Variants in CYP4A11 observed in about 807,000 individuals in gnomAD.
The protein encoded by CYP4A11 is cytochrome P450 4A11.
In CYP4A11, 52 loss-of-function variants were observed where a neutral mutation model predicts 57.7. That is an observed-to-expected ratio of 0.90 (90% CI 0.72 to 1.14). CYP4A11 has a LOEUF of 1.14. CYP4A11 is among the 50% of genes most tolerant of loss of function. CYP4A11 has a pLI of 0.00. For missense variants in CYP4A11, 641 were observed against 642.1 expected (o/e 1.00, Z 0.02); for synonymous variants, 228 against 247.1 (o/e 0.92, Z 0.72).
chr1:46,934,721 G>A (rs1274400397), intron 6 of CYP4A11, among the ~76,000 whole-genome samples, 162 bp from the exon 7 acceptor site: 1 of 151,946 alleles, frequency 6.6e-6, no homozygotes, highest in Non-Finnish European at 1.5e-5. Context: ...TGTGAGGCAG[G>A]GCACCCCTCC....
chr1:46,931,841 A>G, intron 11 of CYP4A11: 2 of 864,790 alleles, frequency 2.3e-6, no homozygotes, highest in Non-Finnish European at 2.8e-6. Context: ...GCCTGTGTGT[A>G]TGTCACAGGA....
At chr1:46,937,975 G>C in intron 2 of CYP4A11, 21 bp downstream of exon 2, 1 of 1,613,542 alleles carries the variant, frequency 6.2e-7, no homozygotes, top group Non-Finnish European at 8.5e-7. Context: ...CATTGCAGTT[G>C]GGATGGGGGT....
chr1:46,936,724 G>A lies in CYP4A11; in HGVS notation c.450C>T (p.Phe150=). 2 of 1,613,980 alleles carry A rather than the reference G, an allele frequency of 1.2e-6. No individual in the cohort carries two copies. Among genetic ancestry groups the A allele is most frequent in the South Asian group, 1.1e-5 (1 of 91,032 alleles). ...FQHRRMLTPA[F]HYDILKPYVG... ...CATAGGGCTTCAGGATGTCATAGTGGAAGGCTGGGGTCAGCATCCGTCGAT... is the reference window on the plus strand; with the variant it reads ...CATAGGGCTTCAGGATGTCATAGTGAAAGGCTGGGGTCAGCATCCGTCGAT... The change falls in exon 4 of 12, where the codon TTC becomes TTT. Residue 150 remains phenylalanine, a synonymous_variant. Coordinates refer to ENST00000310638, the MANE Select transcript of CYP4A11 (RefSeq NM_000778.4).
At chr1:46,930,989 T>C (rs996630156) in intron 11 of CYP4A11, among the ~76,000 whole-genome samples, 5 of 152,248 alleles carry the variant, frequency 3.3e-5, no homozygotes, top group Middle Eastern at 3.4e-3. Flanking sequence ...GCCTGGACTT[T>C]ATGGTTTTCT....
chr1:46,936,951 G>T (rs1189706124), intron 3 of CYP4A11, among the ~76,000 whole-genome samples, 160 bp from the exon 4 acceptor site: 1 of 152,254 alleles, frequency 6.6e-6, no homozygotes, highest in Middle Eastern at 3.4e-3. Context: ...GGCAAATGCA[G>T]GAAAAGGAGG....
chr1:46,941,263 G>T lies in CYP4A11; in HGVS notation c.171C>A (p.His57Gln). 1.9e-6 allele frequency: 3 copies of T among 1,613,732 alleles called. No homozygotes were observed. The highest frequency in any genetic ancestry group is 2.2e-5 in the South Asian group (2 of 91,024). ...CCTCCTGGATGTGCCCGAAGAGCCA[G>T]TGGGAGGGAGGGCACGGGAACTGCT... ...ALQQFPCPPS[H>Q]WLFGHIQELQ... Residue 57 changes from histidine to glutamine, a missense_variant, in exon 1 of 12, where the codon CAC becomes CAA. Transcript: ENST00000310638.
rs200962021 is a variant in CYP4A11 at position 46,933,927 on chromosome 1, G to A, written c.1222+19C>T. The A allele has an allele frequency of 6.2e-6, 10 of 1,613,846 alleles. No homozygotes were observed. Among genetic ancestry groups the A allele is most frequent in the South Asian group, 4.4e-5 (4 of 91,046 alleles). The stretch of plus-strand genomic sequence containing the variant: ...GTCCCTGTGGAGAGTTTAGGTGAGA[G>A]GGTGGGGGAACTTCATACCTTTGGG... On this transcript the variant is annotated intron_variant, in intron 9 of 11. Coordinates refer to ENST00000310638, the MANE Select transcript of CYP4A11 (RefSeq NM_000778.4).
rs755248704 is a variant in CYP4A11 at position 46,934,314 on chromosome 1, G to A, written c.950C>T (p.Thr317Met). 19 of 1,608,550 alleles carry A rather than the reference G, an allele frequency of 1.2e-5. No homozygotes were observed. The highest frequency in any genetic ancestry group is 9.9e-5 in the South Asian group (9 of 90,720). ...GGTGTCGTGGCCCTCAAACATGAACGTGTCCACCTCAGCACGGAGGTCCTT... is the reference window on the plus strand; with the variant it reads ...GGTGTCGTGGCCCTCAAACATGAACATGTCCACCTCAGCACGGAGGTCCTT... ...SDKDLRAEVD[T>M]FMFEGHDTTA... Residue 317 changes from threonine to methionine, a missense_variant, in exon 8 of 12, where the codon ACG (threonine) becomes ATG (methionine). Transcript: ENST00000310638.
chr1:46,941,008 T>C, intron 1 of CYP4A11: 1 of 984,880 alleles, frequency 1.0e-6, no homozygotes, highest in Non-Finnish European at 1.2e-6. Context: ...ACACTTGATA[T>C]CTGCAGAAGG....
intron 1 of CYP4A11, 55 bp downstream of exon 1, chr1:46,941,183 GT>G: frequency 6.4e-7 from 1 of 1,563,442 alleles, no homozygotes; most frequent in East Asian, 2.3e-5. Context: ...TGTGACCAGG[GT>G]CTCAGAGCCC....
chr1:46,932,605 A>C (rs1405106278), intron 11 of CYP4A11, 156 bp downstream of exon 11: 1 of 1,542,610 alleles, frequency 6.5e-7, no homozygotes, highest in Non-Finnish European at 8.7e-7. Context: ...TTGTACACAG[A>C]GACGCCCACA....
Position 46,934,032 on chromosome 1 carries a change from G to A in CYP4A11, c.1136C>T (p.Ala379Val), listed in dbSNP as rs1467575085. Residue 379 changes from alanine (A) to valine (V), a missense_variant, in exon 9 of 12, where the codon GCA becomes GTA. By Grantham distance (64) the Ala-to-Val change is moderately conservative. Transcript: ENST00000310638. ...TGGCACCGGTGGGTAGAGCCTCAGT[G>A]CCTCCTTAATGCACATGGTGGTGTA... ...MPYTTMCIKE[A>V]LRLYPPVPGI... is the part of the protein sequence containing the mutation. 1.2e-6 allele frequency: 2 copies of A among 1,613,730 alleles called. No individual in the cohort carries two copies. The highest frequency in any genetic ancestry group is 2.7e-5 in the African/African-American group (2 of 74,836).
At chr1:46,930,878 G>C (rs1680982934) in intron 11 of CYP4A11, among the ~76,000 whole-genome samples, 2 of 152,062 alleles carry the variant, frequency 1.3e-5, no homozygotes, top group African/African-American at 4.8e-5. Flanking sequence ...CCCACCCCAG[G>C]GTCCGGGCTC....
intron 1 of CYP4A11, 104 bp downstream of exon 1, chr1:46,941,135 C>G: frequency 6.7e-7 from 1 of 1,495,322 alleles, no homozygotes; most frequent in Non-Finnish European, 8.9e-7. Flanking sequence ...TTTGAGTCCT[C>G]ACATTTGTTA....
At position 46,934,850 on chromosome 1, in the gene CYP4A11, C is replaced by T. The variant is rs1474893695; in HGVS notation, c.790+150G>A. 1.2e-5 allele frequency: 16 copies of T among 1,390,660 alleles called. No individual in the cohort carries two copies. The South Asian group carries it at 1.9e-4, about 16-fold the overall frequency. The allele number at this position is 1,390,660 out of a possible 1,614,324, so 86.1% of individuals were successfully genotyped here. A position where few individuals can be genotyped will look rare whatever the true frequency, so the allele number is the denominator to read the frequency against. On this transcript the variant is annotated intron_variant, in intron 6 of 11. Transcript: ENST00000310638. ...GCACAGAATCTGGCCCCTCACATCT[C>T]AGCTCCCAGCCCCTGAGCAAGGGAA...
In CYP4A11 at chr1:46,934,247, T is replaced by A; in HGVS notation, c.1017A>T (p.Thr339=). 6.2e-7 allele frequency: 1 copy of A among 1,613,602 alleles called. No individual in the cohort carries two copies. Among genetic ancestry groups the A allele is most frequent in the Non-Finnish European group, 8.5e-7 (1 of 1,179,834 alleles). The change falls in exon 8 of 12, where the codon ACA becomes ACT. Residue 339 remains threonine (T), a synonymous_variant. Coordinates refer to ENST00000310638, the MANE Select transcript of CYP4A11 (RefSeq NM_000778.4). ...GGCACCTCTCCTGATGCTTGGGGTG[T>A]GTGGCCAGAGCATAGAGGATCCAGG... ...GISWILYALA[T]HPKHQERCRE...
intron 3 of CYP4A11, 130 bp from the exon 4 acceptor site, chr1:46,936,921 C>T (rs1270693738): frequency 1.4e-6 from 2 of 1,428,978 alleles, no homozygotes; most frequent in African/African-American, 1.4e-5. Flanking sequence ...GGAGAACTAT[C>T]CAGAAGAAGC....
At chr1:46,938,615 T>G (rs913263911) in intron 1 of CYP4A11, among the ~76,000 whole-genome samples, 6 of 152,210 alleles carry the variant, frequency 3.9e-5, no homozygotes, top group African/African-American at 1.4e-4. Flanking sequence ...GGATGTGTAT[T>G]GGTAAGCAAA....
intron 2 of CYP4A11, 122 bp downstream of exon 2, chr1:46,937,874 T>TG (rs1681510514): frequency 6.9e-7 from 1 of 1,439,564 alleles, no homozygotes; most frequent in Non-Finnish European, 9.4e-7. Flanking sequence ...GCTTGGTGGA[T>TG]GCGTGGGAGA....
Sources: allele counts gnomAD v4.1 joint callset (sites outside exome capture counted in the v4.1 genomes callset), GRCh38; gene constraint gnomAD v4.1.1; transcripts MANE v1.5; gene names NCBI Gene and HGNC (gene_info 2026-07-23, HGNC 2026-07-21).